The following BTN3A3 variants were observed in gnomAD, a reference collection of about 807,000 sequenced individuals.
BTN3A3 encodes the protein butyrophilin subfamily 3 member A3.
A neutral mutation model predicts 43.2 loss-of-function variants in BTN3A3; 39 were observed. The ratio of observed to expected loss-of-function variants is 0.90; its 90% CI spans 0.70 to 1.18. The LOEUF is 1.18. BTN3A3 is among the 50% of genes most tolerant of loss of function. BTN3A3 has a pLI of 0.00. For missense variants in BTN3A3, 631 were observed against 722.8 expected (o/e 0.87, Z 1.46); for synonymous variants, 255 against 272.7 (o/e 0.93, Z 0.64).
chr6:26,446,192 T>C (rs1416435319), intron 5 of BTN3A3, among the ~76,000 whole-genome samples: 2 of 152,194 alleles, frequency 1.3e-5, no homozygotes, highest in Admixed American at 6.5e-5. Flanking sequence ...AAACATTTAC[T>C]GATCACTTCC....
chr6:26,452,649 C>T lies in BTN3A3; in HGVS notation c.*238C>T, dbSNP rs533911338. On this transcript the variant is annotated 3_prime_UTR_variant, in exon 11 of 11. Coordinates refer to ENST00000244519, the MANE Select transcript of BTN3A3 (RefSeq NM_006994.5). ...GATGTCACTCCTTTAATCCTCACAACACCCTGTCGGGTAGTCATATTTTGC... is the reference window on the plus strand; with the variant it reads ...GATGTCACTCCTTTAATCCTCACAATACCCTGTCGGGTAGTCATATTTTGC... 1 of 479,164 alleles carries T rather than the reference C, an allele frequency of 2.1e-6. No homozygotes were observed. Among genetic ancestry groups the T allele is most frequent in the Non-Finnish European group, 3.7e-6 (1 of 272,352 alleles). The allele number at this position is 479,164 out of a possible 1,614,324, so 29.7% of individuals were successfully genotyped here.
chr6:26,452,060 G>A lies in BTN3A3; in HGVS notation c.1404G>A (p.Glu468=). Residue 468 remains glutamate, a synonymous_variant, in exon 11 of 11, where the codon GAG becomes GAA. Transcript: ENST00000244519. The part of the protein sequence containing the change: ...PRKVGIFLDY[E]TGEISFYNAT... ...AAGTGGGGATCTTCCTGGACTATGAGACTGGAGAGATCTCGTTCTATAATG... is the reference window on the plus strand; with the variant it reads ...AAGTGGGGATCTTCCTGGACTATGAAACTGGAGAGATCTCGTTCTATAATG... 6.2e-7 allele frequency: 1 copy of A among 1,614,120 alleles called. No homozygotes were observed. Among genetic ancestry groups the A allele is most frequent in the African/African-American group, 1.3e-5 (1 of 75,010 alleles).
At chr6:26,451,444 G>A (rs1254231730) in intron 10 of BTN3A3, among the ~76,000 whole-genome samples, 1 of 152,146 alleles carries the variant, frequency 6.6e-6, no homozygotes, top group Non-Finnish European at 1.5e-5. Flanking sequence ...TCCTGAGGCA[G>A]CATCAGGGTA....
intron 10 of BTN3A3, 53 bp downstream of exon 10, chr6:26,450,186 C>A (rs1762892299): frequency 1.9e-6 from 3 of 1,578,592 alleles, no homozygotes; most frequent in South Asian, 2.2e-5. Context: ...GACTATATTC[C>A]TTTCTCCTCC....
rs1001137658 is a variant in BTN3A3 at position 26,452,569 on chromosome 6, C to T, written c.*158C>T. 4 of 643,368 alleles carry T rather than the reference C, an allele frequency of 6.2e-6. No homozygotes were observed. Among genetic ancestry groups the T allele is most frequent in the African/African-American group, 5.5e-5 (3 of 54,712 alleles). 39.9% of individuals were successfully genotyped at this position (643,368 alleles called of 1,614,324 possible). On this transcript the variant is annotated 3_prime_UTR_variant, in exon 11 of 11. Coordinates refer to ENST00000244519, the MANE Select transcript of BTN3A3 (RefSeq NM_006994.5). The stretch of plus-strand genomic sequence containing the variant: ...AGAGCTGGGATCTAAACAGCAATAA[C>T]TAACATTAACAGAGAATTTAAAATG...
In BTN3A3 at chr6:26,443,983, G is replaced by T. The variant is rs778125312; in HGVS notation, c.112G>T (p.Gly38Trp). The T allele has an allele frequency of 6.2e-7, 1 of 1,613,736 alleles. No individual in the cohort carries two copies. The highest frequency in any genetic ancestry group is 1.1e-5 in the South Asian group (1 of 91,066). ...SAQFSVLGPS[G>W]PILAMVGEDA... ...TCAGTTTTCTGTGCTTGGACCCTCT[G>T]GGCCCATCCTGGCCATGGTGGGTGA... The change falls in exon 4 of 11, where the codon GGG becomes TGG. Residue 38 changes from glycine to tryptophan, a missense_variant. Coordinates refer to ENST00000244519, the MANE Select transcript of BTN3A3 (RefSeq NM_006994.5).
intron 1 of BTN3A3, among the ~76,000 whole-genome samples, chr6:26,440,946 T>C (rs893577988): frequency 5.9e-5 from 9 of 152,188 alleles, no homozygotes; most frequent in African/African-American, 2.2e-4. Context: ...TGAAGAAATA[T>C]TCCAACTGCA....
chr6:26,446,797 C>T (rs1330583499), intron 5 of BTN3A3, among the ~76,000 whole-genome samples: 3 of 152,094 alleles, frequency 2.0e-5, no homozygotes, highest in South Asian at 2.1e-4. Flanking sequence ...GGCGCAATCT[C>T]GGCTCACTGC....
chr6:26,450,500 A>T (rs1257575776), intron 10 of BTN3A3, among the ~76,000 whole-genome samples: 1 of 152,212 alleles, frequency 6.6e-6, no homozygotes, highest in African/African-American at 2.4e-5. Flanking sequence ...CAGGCTTCTC[A>T]TGCCCCCTAC....
intron 8 of BTN3A3, among the ~76,000 whole-genome samples, chr6:26,449,064 G>T (rs1310284244): frequency 6.6e-6 from 1 of 152,110 alleles, no homozygotes; most frequent in Admixed American, 6.5e-5. Context: ...AAGAGAGAAG[G>T]ATGAGGTGCA....
chr6:26,449,497 A>G, intron 8 of BTN3A3, 165 bp from the exon 9 acceptor site: 1 of 721,762 alleles, frequency 1.4e-6, no homozygotes, highest in Non-Finnish European at 2.4e-6. Flanking sequence ...CCCAGACTTG[A>G]TATTAAGAAG....
At chr6:26,451,623 A>C (rs1303041405) in intron 10 of BTN3A3, 52 bp from the exon 11 acceptor site, 1 of 1,566,170 alleles carries the variant, frequency 6.4e-7, no homozygotes, top group Non-Finnish European at 8.6e-7. Flanking sequence ...TGAGGCTCTG[A>C]AATCCAGGAA....
chr6:26,451,230 A>G (rs1195448732), intron 10 of BTN3A3, among the ~76,000 whole-genome samples: 1 of 152,150 alleles, frequency 6.6e-6, no homozygotes, highest in African/African-American at 2.4e-5. Context: ...CCCATTTTTC[A>G]GGTGACAAAA....
intron 4 of BTN3A3, 153 bp from the exon 5 acceptor site, chr6:26,445,551 T>G: frequency 3.2e-6 from 3 of 941,098 alleles, no homozygotes; most frequent in Non-Finnish European, 4.7e-6. Context: ...ACTAGCCCAT[T>G]TAGTTTTCTT....
Position 26,452,748 on chromosome 6 carries a change from T to A in BTN3A3, c.*337T>A, listed in dbSNP as rs557887326. 129 of 239,816 alleles carry A rather than the reference T, an allele frequency of 5.4e-4. 1 individual carries two copies. In the Admixed American group the frequency reaches 6.4e-3, roughly 12 times the overall value. 14.9% of individuals were successfully genotyped at this position (239,816 alleles called of 1,614,324 possible). A position where few individuals can be genotyped will look rare whatever the true frequency, so the allele number is the denominator to read the frequency against. The stretch of plus-strand genomic sequence containing the variant: ...TACAGTAATTTGTGCAGTTGGGAGA[T>A]GTTCAGCCTTAGTCCCTGGCTAATT... On this transcript the variant is annotated 3_prime_UTR_variant, in exon 11 of 11. Coordinates refer to ENST00000244519, the MANE Select transcript of BTN3A3 (RefSeq NM_006994.5).
At position 26,445,988 on chromosome 6, in the gene BTN3A3, C is replaced by G. The variant is rs765977692; in HGVS notation, c.715+3C>G. 6.2e-7 allele frequency: 1 copy of G among 1,613,950 alleles called. No homozygotes were observed. Among genetic ancestry groups the G allele is most frequent in the South Asian group, 1.1e-5 (1 of 91,070 alleles). On this transcript the variant is annotated splice_donor_region_variant and intron_variant, in intron 5 of 10. Coordinates refer to ENST00000244519, the MANE Select transcript of BTN3A3 (RefSeq NM_006994.5). The stretch of plus-strand genomic sequence containing the variant: ...GACAGCCAGCATATCCATCGCAGGT[C>G]AGTACCCTGCTTGGCCTCAGCTTTA...
chr6:26,446,641 T>C (rs1362525317), intron 5 of BTN3A3, among the ~76,000 whole-genome samples: 5 of 152,194 alleles, frequency 3.3e-5, no homozygotes, highest in Non-Finnish European at 7.4e-5. Flanking sequence ...AAACTACATA[T>C]TTATTGATCC....
At position 26,445,734 on chromosome 6, in the gene BTN3A3, AG is replaced by A; in HGVS notation, c.467del (p.Gly156ValfsTer22). 3.1e-6 allele frequency: 5 copies of A among 1,614,176 alleles called. No homozygotes were observed. The highest frequency in any genetic ancestry group is 4.2e-6 in the Non-Finnish European group (5 of 1,180,006). On this transcript the variant is annotated frameshift_variant, in exon 5 of 11. Transcript: ENST00000244519. LOFTEE classifies it high-confidence loss of function. Reference protein sequence around the residue: ...ALGSDLHIEVKGYEDGGIHLE... With the variant: ...ALGSDLHIEVXGYEDGGIHLE... ...GGTTCTGATCTTCACATTGAAGTGA[AG>A]GGTTATGAGGATGGAGGGATCCATC... is the stretch of plus-strand genomic sequence containing the variant.
rs1179134397 is a variant in BTN3A3, at chr6:26,448,132, C to A, written c.716-116C>A. The A allele has an allele frequency of 2.5e-6, 3 of 1,207,662 alleles. No homozygotes were observed. The East Asian group carries it at 7.6e-5, about 31-fold the overall frequency. 74.8% of individuals were successfully genotyped at this position (1,207,662 alleles called of 1,614,324 possible). On this transcript the variant is annotated intron_variant, in intron 5 of 10. Transcript: ENST00000244519. ...CTTTAGGGACAGAACGCTTATTTAACCTCATGAGATGGATTCCATGCCCCC... is the reference window on the plus strand; with the variant it reads ...CTTTAGGGACAGAACGCTTATTTAAACTCATGAGATGGATTCCATGCCCCC...
Sources: allele counts gnomAD v4.1 joint callset (sites outside exome capture counted in the v4.1 genomes callset), GRCh38; gene constraint gnomAD v4.1.1; transcripts MANE v1.5; gene names NCBI Gene and HGNC (gene_info 2026-07-23, HGNC 2026-07-21).